BCAS1: variants seen among roughly 807,000 people sequenced by gnomAD.
The protein encoded by BCAS1 is breast carcinoma-amplified sequence 1.
BCAS1 carries 46 observed loss-of-function variants against 65.4 expected under a neutral mutation model. The observed-to-expected ratio is 0.70, with a 90% CI of 0.55 to 0.90. The LOEUF is 0.90. Among genes scored for constraint, BCAS1 ranks in the 40% least tolerant of loss-of-function variants. The pLI, the probability that BCAS1 is intolerant of heterozygous loss-of-function variation, is 0.00. For missense variants in BCAS1, 793 were observed against 771.2 expected (o/e 1.03, Z -0.33); for synonymous variants, 298 against 293.5 (o/e 1.02, Z -0.16).
At chr20:54,033,848 A>G (rs1290371474) in intron 3 of BCAS1, among the ~76,000 whole-genome samples, 3 of 151,310 alleles carry the variant, frequency 2.0e-5, no homozygotes, top group Non-Finnish European at 4.4e-5. Flanking sequence ...ATACAACAAG[A>G]AAAGCTTCAG....
chr20:54,045,349 A>C (rs2092083832), intron 3 of BCAS1, among the ~76,000 whole-genome samples: 1 of 152,236 alleles, frequency 6.6e-6, no homozygotes, highest in Admixed American at 6.5e-5. Context: ...CTTGAAGTAC[A>C]TTGTAGCTTT....
chr20:54,055,171 C>T (rs907661702), intron 3 of BCAS1, among the ~76,000 whole-genome samples: 2 of 151,980 alleles, frequency 1.3e-5, no homozygotes, highest in African/African-American at 2.4e-5. Flanking sequence ...ACAAACAACC[C>T]GATTAAAAAT....
intron 4 of BCAS1, among the ~76,000 whole-genome samples, chr20:54,019,091 G>T (rs1222581704): frequency 6.6e-6 from 1 of 152,088 alleles, no homozygotes; most frequent in Non-Finnish European, 1.5e-5. Flanking sequence ...TGCATCTCTG[G>T]CTAGAGGCCT....
Position 54,028,721 on chromosome 20 carries a change from T to G in BCAS1, c.394A>C (p.Lys132Gln). 1.2e-6 allele frequency: 2 copies of G among 1,614,194 alleles called. No homozygotes were observed. Among genetic ancestry groups the G allele is most frequent in the South Asian group, 2.2e-5 (2 of 91,078 alleles). Residue 132 changes from lysine to glutamine, a missense_variant, in exon 4 of 13, where the codon AAA becomes CAA. Coordinates refer to ENST00000688948, the MANE Select transcript of BCAS1 (RefSeq NM_001366298.2). The part of the protein sequence containing the change: ...DVSSNKAPAN[K>Q]DPSESWTLPV... ...AGTGTCCAGCTCTCACTTGGGTCTT[T>G]GTTCGCTGGAGCTTTATTGGAGCTG... is the stretch of plus-strand genomic sequence containing the variant.
chr20:54,020,595 A>G (rs1352411822), intron 4 of BCAS1, among the ~76,000 whole-genome samples: 2 of 152,254 alleles, frequency 1.3e-5, no homozygotes, highest in Admixed American at 1.3e-4. Context: ...TGTCAGGTTC[A>G]TTTAACAAAC....
chr20:53,984,189 T>TA (rs1007020274), intron 8 of BCAS1, among the ~76,000 whole-genome samples: 3 of 152,218 alleles, frequency 2.0e-5, no homozygotes, highest in Admixed American at 1.3e-4. Flanking sequence ...ATGGGCCACT[T>TA]AAGTCTTCTC....
chr20:54,044,366 CAA>C (rs2092057230), intron 3 of BCAS1, among the ~76,000 whole-genome samples: 1 of 152,020 alleles, frequency 6.6e-6, no homozygotes, highest in South Asian at 2.1e-4. Context: ...CTTCTCCATC[CAA>C]AGAGGCAAAG....
intron 4 of BCAS1, among the ~76,000 whole-genome samples, chr20:54,022,421 T>C (rs1346150640): frequency 6.6e-6 from 1 of 152,236 alleles, no homozygotes; most frequent in Non-Finnish European, 1.5e-5. Flanking sequence ...TTTCTAAGTT[T>C]CTAACAATTT....
At chr20:53,985,137 G>T in intron 8 of BCAS1, 150 bp downstream of exon 8, 1 of 696,464 alleles carries the variant, frequency 1.4e-6, no homozygotes, top group Non-Finnish European at 2.4e-6. Flanking sequence ...GAACACATTA[G>T]AAGGCTTCTA....
At chr20:54,012,434 A>T (rs1349853984) in intron 4 of BCAS1, among the ~76,000 whole-genome samples, 7 of 151,490 alleles carry the variant, frequency 4.6e-5, no homozygotes, top group African/African-American at 1.5e-4. Context: ...TTACAGCTGC[A>T]TGTGAATCTA....
At chr20:53,952,755 A>G (rs1044538832) in intron 12 of BCAS1, among the ~76,000 whole-genome samples, 2 of 152,238 alleles carry the variant, frequency 1.3e-5, no homozygotes, top group African/African-American at 2.4e-5. Context: ...CAAATAAGGC[A>G]AACACCTCAT....
chr20:53,955,154 C>T lies in BCAS1; in HGVS notation c.1552-1459G>A, dbSNP rs570227865. On this transcript the variant is annotated intron_variant, in intron 11 of 12. Coordinates refer to ENST00000688948, the MANE Select transcript of BCAS1 (RefSeq NM_001366298.2). Reference sequence around the variant, plus strand: ...ACTGTAGGAGAACTTTCTTTTCACACCAGTGAATCATGCACGCCCCTTAGA... The same window carrying T: ...ACTGTAGGAGAACTTTCTTTTCACATCAGTGAATCATGCACGCCCCTTAGA... 6.9e-4 allele frequency among the ~76,000 whole-genome samples: 105 copies of T among 152,246 alleles called. 1 individual carries two copies. The highest frequency in any genetic ancestry group is 1.4e-3 in the Non-Finnish European group (92 of 68,014).
chr20:54,009,570 T>C (rs2091277614), intron 4 of BCAS1, among the ~76,000 whole-genome samples: 1 of 152,160 alleles, frequency 6.6e-6, no homozygotes, highest in Non-Finnish European at 1.5e-5. Flanking sequence ...AAAATTGAAT[T>C]CATAATTTAA....
intron 4 of BCAS1, among the ~76,000 whole-genome samples, chr20:54,015,055 T>A (rs2091405026): frequency 6.6e-6 from 1 of 151,992 alleles, no homozygotes; most frequent in Non-Finnish European, 1.5e-5. Flanking sequence ...TATGATTTTT[T>A]TTTTTTTTGA....
rs578011981 is a variant in BCAS1 at position 53,991,210 on chromosome 20, C to T, written c.1062+1302G>A. ...CTATGAGATCTATGACGCGTTTCAC[C>T]AGCAGTTACTAAGTTATTTCCCAGC... On this transcript the variant is annotated intron_variant, in intron 7 of 12. Transcript: ENST00000688948. Among the ~76,000 whole-genome samples the T allele has an allele frequency of 2.0e-5, 3 of 152,282 alleles. No individual in the cohort carries two copies. In the East Asian group the frequency reaches 5.8e-4, roughly 29 times the overall value.
chr20:53,947,148 T>G (rs2089353667), intron 12 of BCAS1, among the ~76,000 whole-genome samples: 1 of 152,206 alleles, frequency 6.6e-6, no homozygotes, highest in Non-Finnish European at 1.5e-5. Context: ...GCTGGGTGAC[T>G]TTGGTCAAAT....
intron 12 of BCAS1, among the ~76,000 whole-genome samples, chr20:53,946,071 G>A (rs1376315093): frequency 6.6e-6 from 1 of 152,000 alleles, no homozygotes; most frequent in African/African-American, 2.4e-5. Context: ...ACTATGCCTA[G>A]CCTGAGTACT....
intron 10 of BCAS1, among the ~76,000 whole-genome samples, chr20:53,959,916 T>G (rs1395242597): frequency 6.6e-6 from 1 of 152,198 alleles, no homozygotes; most frequent in Non-Finnish European, 1.5e-5. Flanking sequence ...AGAAATGAAC[T>G]GTTGGCTATT....
intron 10 of BCAS1, among the ~76,000 whole-genome samples, chr20:53,960,470 A>T (rs975792991): frequency 7.8e-5 from 2 of 25,702 alleles, no homozygotes; most frequent in Non-Finnish European, 1.0e-4. Context: ...TCAACTTCTT[A>T]AAAAAAAAAA....
Sources: gnomAD v4.1 joint callset for allele counts (sites outside exome capture counted in the v4.1 genomes callset) on GRCh38, gnomAD v4.1.1 for gene constraint, MANE v1.5 for transcripts, NCBI Gene and HGNC (gene_info 2026-07-23, HGNC 2026-07-21) for gene names.